The following AUTS2 variants were observed in gnomAD, a reference collection of about 807,000 sequenced individuals.
AUTS2 encodes activator of transcription and developmental regulator AUTS2.
A neutral mutation model predicts 112.4 loss-of-function variants in AUTS2; 17 were observed. That is an observed-to-expected ratio of 0.15 (90% CI 0.10 to 0.23). The LOEUF (loss-of-function observed/expected upper bound fraction) is 0.23, where lower values mean the gene tolerates loss of function less well. Among genes scored for constraint, AUTS2 ranks in the 10% least tolerant of loss-of-function variants. The pLI is 1.00. For missense variants in AUTS2, 1,510 were observed against 1,701.6 expected, an observed-to-expected ratio of 0.89 and a Z score of 1.98; for synonymous variants, 751 against 702.7, an observed-to-expected ratio of 1.07 and a Z score of -1.09.
rs1052185037 is a variant in AUTS2 at position 69,937,627 on chromosome 7, G to A, written c.522+38129G>A. On this transcript the variant is annotated intron_variant, in intron 2 of 18. Transcript: ENST00000342771. Reference sequence around the variant, plus strand: ...ATGGACCTCTTCCACACTGAGAAGAGGGCAGAGCCCAGTCATCAGTTTTCA... The same window carrying A: ...ATGGACCTCTTCCACACTGAGAAGAAGGCAGAGCCCAGTCATCAGTTTTCA... Among the ~76,000 whole-genome samples, 14 of 152,284 alleles carry A rather than the reference G, an allele frequency of 9.2e-5. 1 individual carries two copies. Among genetic ancestry groups the A allele is most frequent in the East Asian group, 3.9e-4 (2 of 5,182 alleles).
intron 4 of AUTS2, among the ~76,000 whole-genome samples, chr7:70,298,933 C>G (rs997529970): frequency 1.3e-5 from 2 of 152,228 alleles, no homozygotes; most frequent in African/African-American, 4.8e-5. Context: ...CCATTTAATG[C>G]CAGCCCACAC....
chr7:69,608,243 A>G (rs943092259), intron 1 of AUTS2, among the ~76,000 whole-genome samples: 6 of 152,192 alleles, frequency 3.9e-5, no homozygotes, highest in African/African-American at 1.2e-4. Flanking sequence ...AAGAAATCTG[A>G]TATTTTCAAA....
In AUTS2 at chr7:70,195,018, C is replaced by CT. The variant is rs545866045; in HGVS notation, c.660+60451dup. On this transcript the variant is annotated intron_variant, in intron 4 of 18. Transcript: ENST00000342771. The stretch of plus-strand genomic sequence containing the variant: ...GGCCTGGCTTTCTCAATATTTCTAC[C>CT]TTTTCTTGAAATCTCCACTTGGATA... Among the ~76,000 whole-genome samples, 62 of 152,252 alleles carry CT rather than the reference C, an allele frequency of 4.1e-4. No homozygotes were observed. In the South Asian group the frequency reaches 5.8e-3, roughly 14 times the overall value.
intron 4 of AUTS2, among the ~76,000 whole-genome samples, chr7:70,324,677 A>G (rs1400064532): frequency 6.6e-6 from 1 of 152,202 alleles, no homozygotes; most frequent in Admixed American, 6.5e-5. Context: ...TATATTGTCT[A>G]TGAAATTGAC....
chr7:69,809,158 T>C (rs1790435222), intron 1 of AUTS2, among the ~76,000 whole-genome samples: 1 of 152,068 alleles, frequency 6.6e-6, no homozygotes, highest in African/African-American at 2.4e-5. Context: ...CACTGCAAGT[T>C]CCGCCTCCCA....
At chr7:70,268,159 T>C (rs1487018252) in intron 4 of AUTS2, among the ~76,000 whole-genome samples, 1 of 152,190 alleles carries the variant, frequency 6.6e-6, no homozygotes, top group East Asian at 1.9e-4. Context: ...GACTCCTCCT[T>C]GAAGACTAGA....
chr7:69,985,243 A>G (rs981280913), intron 2 of AUTS2, among the ~76,000 whole-genome samples: 50 of 151,552 alleles, frequency 3.3e-4, no homozygotes, highest in Admixed American at 7.9e-4. Context: ...AAAAAAAAAA[A>G]AAAAGAAAGG....
chr7:70,185,486 C>G (rs1239519491), intron 4 of AUTS2, among the ~76,000 whole-genome samples: 3 of 151,772 alleles, frequency 2.0e-5, no homozygotes, highest in Non-Finnish European at 4.4e-5. Context: ...TTTGTGAGGC[C>G]ACTTGTCTTA....
At chr7:70,469,566 G>A (rs1366354885) in intron 5 of AUTS2, among the ~76,000 whole-genome samples, 3 of 152,196 alleles carry the variant, frequency 2.0e-5, no homozygotes, top group Non-Finnish European at 2.9e-5. Context: ...GATGTCCTGA[G>A]GGAGAGGGAA....
intron 6 of AUTS2, among the ~76,000 whole-genome samples, chr7:70,737,752 G>A (rs1569078): frequency 0.67 from 101,718 of 151,986 alleles, 35,062 homozygotes; most frequent in African/African-American, 0.83. Flanking sequence ...ATCCAGAGAG[G>A]AGGAGGAGCC....
chr7:70,337,230 A>AT (rs1791033410), intron 4 of AUTS2, among the ~76,000 whole-genome samples: 1 of 152,180 alleles, frequency 6.6e-6, no homozygotes, highest in African/African-American at 2.4e-5. Context: ...GAAGGGTGAC[A>AT]TTTTCCCCCA....
At chr7:70,422,019 G>T (rs1795243753) in intron 4 of AUTS2, among the ~76,000 whole-genome samples, 1 of 152,110 alleles carries the variant, frequency 6.6e-6, no homozygotes, top group African/African-American at 2.4e-5. Context: ...GTTGGGTACA[G>T]TTTAATTGAA....
At chr7:70,363,992 T>A (rs1453848175) in intron 4 of AUTS2, among the ~76,000 whole-genome samples, 1 of 152,168 alleles carries the variant, frequency 6.6e-6, no homozygotes, top group Non-Finnish European at 1.5e-5. Flanking sequence ...GTTATTTGTG[T>A]ACACAGCTAG....
chr7:69,897,273 C>A (rs899778070), intron 1 of AUTS2, among the ~76,000 whole-genome samples: 1 of 152,152 alleles, frequency 6.6e-6, no homozygotes, highest in South Asian at 2.1e-4. Flanking sequence ...TAAAGGCCTG[C>A]GTTAGTTTGT....
intron 4 of AUTS2, among the ~76,000 whole-genome samples, chr7:70,330,455 C>G (rs1790689784): frequency 6.6e-6 from 1 of 152,196 alleles, no homozygotes; most frequent in Admixed American, 6.5e-5. Flanking sequence ...GTTTATTTCT[C>G]AACTCTCAAT....
chr7:69,945,696 T>A (rs1796782830), intron 2 of AUTS2, among the ~76,000 whole-genome samples: 1 of 152,120 alleles, frequency 6.6e-6, no homozygotes, highest in African/African-American at 2.4e-5. Flanking sequence ...CAATACAACA[T>A]TATTAACAGT....
intron 4 of AUTS2, among the ~76,000 whole-genome samples, chr7:70,271,037 C>T (rs1287006715): frequency 1.3e-5 from 2 of 152,054 alleles, no homozygotes; most frequent in Non-Finnish European, 2.9e-5. Flanking sequence ...CAGACCCTCA[C>T]ACTAGATGGT....
intron 1 of AUTS2, among the ~76,000 whole-genome samples, chr7:69,693,193 A>C (rs1431179214): frequency 6.6e-6 from 1 of 152,180 alleles, no homozygotes; most frequent in Admixed American, 6.5e-5. Flanking sequence ...TGAGGATTCT[A>C]TTTATTTCAT....
chr7:70,684,043 A>C lies in AUTS2; in HGVS notation c.691-14526A>C, dbSNP rs139254235. ...ACCCCAGCAAGTGTATGATTCCCCA[A>C]ACCAGTAGAAGCAAATATTTTGTCC... On this transcript the variant is annotated intron_variant, in intron 5 of 18. Transcript: ENST00000342771. 1.0e-3 allele frequency among the ~76,000 whole-genome samples: 158 copies of C among 152,310 alleles called. 1 individual carries two copies. The East Asian group carries it at 0.028, about 27-fold the overall frequency.
Sources: gnomAD v4.1 joint callset for allele counts (sites outside exome capture counted in the v4.1 genomes callset) on GRCh38, gnomAD v4.1.1 for gene constraint, MANE v1.5 for transcripts, NCBI Gene and HGNC (gene_info 2026-07-23, HGNC 2026-07-21) for gene names.